The following TAF1 variants were observed in gnomAD, a reference collection of about 807,000 sequenced individuals.
The protein encoded by TAF1 is transcription initiation factor TFIID subunit 1.
TAF1 carries 2 observed loss-of-function variants against 138.5 expected under a neutral mutation model. That is an observed-to-expected ratio of 0.01 (90% CI 0.01 to 0.05). The LOEUF (loss-of-function observed/expected upper bound fraction) is 0.05, where lower values mean the gene tolerates loss of function less well. Ranked by LOEUF, TAF1 falls within the 10% of genes least tolerant of loss-of-function variation. The pLI, the probability that TAF1 is intolerant of heterozygous loss-of-function variation, is 1.00. For synonymous variants in TAF1, 437 were observed against 503.2 expected (o/e 0.87, Z 1.76); for missense variants, 709 against 1,478.0 (o/e 0.48, Z 8.53).
chrX:71,400,080 G>A (rs2035093662), intron 24 of TAF1, among the ~76,000 whole-genome samples: 1 of 105,244 alleles, frequency 9.5e-6, no homozygotes, highest in African/African-American at 3.5e-5. Flanking sequence ...GGTTTGGTAG[G>A]TTTTTTTTTG....
chrX:71,528,056 C>A, intron 13 of TAF1: 1 of 190,655 alleles, frequency 5.2e-6, no homozygotes, highest in South Asian at 9.0e-5. Flanking sequence ...TCAATTAGAT[C>A]AACTAATTGT....
intron 13 of TAF1, among the ~76,000 whole-genome samples, chrX:71,480,714 G>A (rs977668931): frequency 3.6e-5 from 4 of 111,673 alleles, no homozygotes; most frequent in African/African-American, 1.3e-4. Flanking sequence ...TAATATAATG[G>A]TATAAAGAGA....
intron 32 of TAF1, among the ~76,000 whole-genome samples, chrX:71,439,717 A>C (rs2037320147): frequency 1.8e-5 from 2 of 111,984 alleles, no homozygotes; most frequent in African/African-American, 3.2e-5. Context: ...GTAGGTTTTC[A>C]AGTTTTTGTT....
chrX:71,403,551 T>C (rs779836688), intron 25 of TAF1, among the ~76,000 whole-genome samples: 46 of 111,949 alleles, frequency 4.1e-4, no homozygotes, highest in Non-Finnish European at 7.9e-4. Flanking sequence ...GTTAAAGTGG[T>C]GATCCTCAGA....
intron 32 of TAF1, among the ~76,000 whole-genome samples, chrX:71,428,977 CAT>C (rs1400773423): frequency 1.8e-5 from 2 of 111,639 alleles, no homozygotes. Flanking sequence ...GGTTTTTCCT[CAT>C]ATAGGAAGCA....
chrX:71,377,700 T>C lies in TAF1; in HGVS notation c.812T>C (p.Ile271Thr). ...RKRKKKHREL[I>T]QEEQIQEVEC... ...AGGAAGAAGAAGCACCGTGAGCTGATACAGGAAGAGCAGATCCAGGAGGTG... is the reference window on the plus strand; with the variant it reads ...AGGAAGAAGAAGCACCGTGAGCTGACACAGGAAGAGCAGATCCAGGAGGTG... Residue 271 changes from isoleucine to threonine, a missense_variant, in exon 6 of 38, where the codon ATA (isoleucine) becomes ACA (threonine). Ile to Thr is a moderately conservative substitution (Grantham distance 89, BLOSUM62 -1). This residue lies in a region of TAF1 where 26 missense variants were observed against 20.9 expected (regional missense o/e 1.25). Coordinates refer to ENST00000423759, the MANE Select transcript of TAF1 (RefSeq NM_004606.5). The C allele has an allele frequency of 1.7e-6, 2 of 1,211,699 alleles. No homozygotes were observed. The highest frequency in any genetic ancestry group is 2.2e-6 in the Non-Finnish European group (2 of 895,541).
chrX:71,406,298 C>A (rs1308462830), intron 25 of TAF1, among the ~76,000 whole-genome samples: 1 of 98,269 alleles, frequency 1.0e-5, no homozygotes, highest in Non-Finnish European at 2.0e-5. Context: ...CATTGCACTC[C>A]AGCCTGGGTA....
intron 32 of TAF1, among the ~76,000 whole-genome samples, chrX:71,436,272 G>A (rs1203329199): frequency 1.0e-5 from 1 of 98,963 alleles, no homozygotes; most frequent in Non-Finnish European, 2.0e-5. Flanking sequence ...CTGGAGTGCA[G>A]TGGCGCGATC....
In TAF1 at chrX:71,424,404, G is replaced by A. The variant is rs1187842347; in HGVS notation, c.4753+166G>A. 3.1e-5 allele frequency among the ~76,000 whole-genome samples: 3 copies of A among 95,386 alleles called. No homozygotes were observed. In the East Asian group the frequency reaches 9.9e-4, roughly 32 times the overall value. 82.8% of individuals were successfully genotyped at this position (95,386 alleles called of 115,157 possible). On this transcript the variant is annotated intron_variant, in intron 32 of 37. Transcript: ENST00000423759. ...TTCACTGAACCAGGCACACGCCACC[G>A]TGCCAGGCTCTTTTTTTTTTTTTTT...
chrX:71,375,025 G>C, intron 3 of TAF1, 142 bp from the exon 4 acceptor site: 1 of 793,637 alleles, frequency 1.3e-6, no homozygotes, highest in Non-Finnish European at 1.7e-6. Flanking sequence ...GCAGTCAGCT[G>C]AGATTGCACC....
Position 71,393,285 on chromosome X carries a change from G to A in TAF1, c.3052-16G>A. The stretch of plus-strand genomic sequence containing the variant: ...GTGTGTATATTTATATTTGTGTGTG[G>A]CTATTTGTCTCGTAGATTAAAAAGT... On this transcript the variant is annotated splice_polypyrimidine_tract_variant and intron_variant, in intron 20 of 37. Transcript: ENST00000423759. The A allele has an allele frequency of 9.3e-7, 1 of 1,073,950 alleles. No individual in the cohort carries two copies. 88.5% of individuals were successfully genotyped at this position (1,073,950 alleles called of 1,213,427 possible).
chrX:71,410,084 G>T (rs2035691247), intron 28 of TAF1, among the ~76,000 whole-genome samples: 1 of 109,105 alleles, frequency 9.2e-6, no homozygotes, highest in Admixed American at 9.9e-5. Context: ...GTAGAGACGG[G>T]ATTTCTCCAT....
chrX:71,488,020 T>A (rs1050865594), intron 13 of TAF1, among the ~76,000 whole-genome samples: 1 of 111,550 alleles, frequency 9.0e-6, no homozygotes, highest in Non-Finnish European at 1.9e-5. Context: ...AAGCTCTTGT[T>A]TGTTTAGTTG....
chrX:71,436,462 G>A (rs2037150495), intron 32 of TAF1, among the ~76,000 whole-genome samples: 1 of 108,930 alleles, frequency 9.2e-6, no homozygotes, highest in Admixed American at 9.9e-5. Flanking sequence ...TGATCCGCCT[G>A]CCTCGGCCTC....
Position 71,463,950 on chromosome X carries a change from G to A in TAF1, c.5526G>A (p.Pro1842=), listed in dbSNP as rs1248553702. The A allele has an allele frequency of 3.3e-6, 4 of 1,204,253 alleles. No individual in the cohort carries two copies. Among genetic ancestry groups the A allele is most frequent in the East Asian group, 3.0e-5 (1 of 33,598 alleles). The change falls in exon 38 of 38, where the codon CCG becomes CCA. Residue 1842 remains proline, a synonymous_variant. Transcript: ENST00000423759. ...AGGAGGAAGAGCAGCGCTCTGGGCC[G>A]AGCGTACTAAGCCAGGTCCACCTGT... ...DEEEEEQRSG[P]SVLSQVHLSE...
At chrX:71,370,860 T>C (rs757418025) in intron 3 of TAF1, among the ~76,000 whole-genome samples, 4 of 112,151 alleles carry the variant, frequency 3.6e-5, no homozygotes, top group East Asian at 2.8e-4. Flanking sequence ...ATAGAAGATA[T>C]AAGCCCTGCC....
chrX:71,516,713 T>C (rs1325926046), intron 13 of TAF1, among the ~76,000 whole-genome samples: 3 of 107,019 alleles, frequency 2.8e-5, no homozygotes, highest in Non-Finnish European at 5.8e-5. Context: ...GTTGTTGTTG[T>C]TGTTGTTTTG....
chrX:71,495,363 C>A (rs2039377026), intron 13 of TAF1, among the ~76,000 whole-genome samples: 1 of 111,556 alleles, frequency 9.0e-6, no homozygotes, highest in Admixed American at 9.6e-5. Flanking sequence ...AATACAGGCC[C>A]CTAAGGAGAG....
chrX:71,471,279 C>G (rs1293133043), intron 13 of TAF1, among the ~76,000 whole-genome samples: 2 of 103,636 alleles, frequency 1.9e-5, no homozygotes, highest in Non-Finnish European at 3.9e-5. Flanking sequence ...GATCACACCA[C>G]TGCACTCCAC....
Sources: allele counts gnomAD v4.1 joint callset (sites outside exome capture counted in the v4.1 genomes callset), GRCh38; gene constraint gnomAD v4.1.1; regional missense constraint gnomAD v4.1.1; transcripts MANE v1.5; gene names NCBI Gene and HGNC (gene_info 2026-07-23, HGNC 2026-07-21).